Variants in CFAP70 observed in about 807,000 individuals in gnomAD.
CFAP70 encodes the protein cilia and flagella associated protein 70.
CFAP70 carries 81 observed loss-of-function variants against 137.6 expected under a neutral mutation model. The ratio of observed to expected loss-of-function variants is 0.59; its 90% CI spans 0.49 to 0.71. CFAP70 has a LOEUF of 0.71. CFAP70 is among the 30% of genes least tolerant of loss of function. The probability of loss-of-function intolerance (pLI) is 0.00; values close to 1 mark genes in which losing one functional copy is unlikely to be tolerated. For synonymous variants in CFAP70, 382 were observed against 423.6 expected, an observed-to-expected ratio of 0.90 and a Z score of 1.20; for missense variants, 976 against 1,226.7, an observed-to-expected ratio of 0.80 and a Z score of 3.05.
chr10:73,303,462 C>T (rs931925591), intron 12 of CFAP70, among the ~76,000 whole-genome samples: 2 of 152,162 alleles, frequency 1.3e-5, no homozygotes, highest in Admixed American at 6.5e-5. Flanking sequence ...TCGTGATCCA[C>T]CTGCCTTGGC....
At chr10:73,320,443 C>G (rs190540773) in intron 9 of CFAP70, among the ~76,000 whole-genome samples, 22 of 152,152 alleles carry the variant, frequency 1.4e-4, no homozygotes, top group African/African-American at 5.1e-4. Context: ...CCTACCTCAG[C>G]CTCTGGAGTA....
chr10:73,360,357 T>C (rs1036556920), upstream of CFAP70, among the ~76,000 whole-genome samples: 1 of 152,190 alleles, frequency 6.6e-6, no homozygotes, highest in Non-Finnish European at 1.5e-5. Flanking sequence ...CACACACATA[T>C]GCACATGCAT....
chr10:73,361,293 C>CT (rs577780984), upstream of CFAP70, among the ~76,000 whole-genome samples: 12,312 of 128,310 alleles, frequency 0.096, 892 homozygotes, highest in East Asian at 0.27. Context: ...CATGCCCGGC[C>CT]TTTTTTTTTT....
chr10:73,271,551 G>C (rs1290527114), intron 24 of CFAP70, among the ~76,000 whole-genome samples: 1 of 152,094 alleles, frequency 6.6e-6, no homozygotes, highest in Non-Finnish European at 1.5e-5. Context: ...TTACAAAGCA[G>C]TAAATATTTA....
At chr10:73,277,390 G>T in intron 20 of CFAP70, 29 bp from the exon 22 acceptor site, 1 of 1,609,748 alleles carries the variant, frequency 6.2e-7, no homozygotes, top group Admixed American at 1.7e-5. Context: ...AAGGATTGAA[G>T]ATTGGATATA....
intron 9 of CFAP70, among the ~76,000 whole-genome samples, chr10:73,314,886 T>C (rs1589448872): frequency 6.7e-6 from 1 of 149,888 alleles, no homozygotes. Flanking sequence ...ATTACAGGTG[T>C]GAGCCACCAC....
intron 8 of CFAP70, among the ~76,000 whole-genome samples, chr10:73,329,812 G>A (rs1192845979): frequency 2.0e-5 from 3 of 152,168 alleles, no homozygotes; most frequent in Non-Finnish European, 4.4e-5. Flanking sequence ...AATGGTGGAG[G>A]TGTTTTAGCA....
chr10:73,260,937 CAT>C (rs761806215), intron 25 of CFAP70, among the ~76,000 whole-genome samples: 6 of 152,106 alleles, frequency 3.9e-5, no homozygotes, highest in Non-Finnish European at 8.8e-5. Flanking sequence ...TTTGTGTGGA[CAT>C]ATGTCTTCAT....
chr10:73,351,233 C>T (rs1172085558), intron 3 of CFAP70, among the ~76,000 whole-genome samples: 1 of 149,284 alleles, frequency 6.7e-6, no homozygotes, highest in Non-Finnish European at 1.5e-5. Flanking sequence ...ATTCTCCTGC[C>T]TCAGCCTCCT....
At chr10:73,335,337 T>C in intron 7 of CFAP70, 93 bp downstream of exon 8, 3 of 750,674 alleles carry the variant, frequency 4.0e-6, no homozygotes, top group East Asian at 5.4e-5. Flanking sequence ...AAAATCACCT[T>C]AACTCAAATA....
chr10:73,287,654 A>T (rs2047837469), intron 19 of CFAP70, among the ~76,000 whole-genome samples: 2 of 152,180 alleles, frequency 1.3e-5, no homozygotes, highest in South Asian at 2.1e-4. Flanking sequence ...GCAAAGTATG[A>T]AAGAGGAAGG....
chr10:73,259,525 A>G (rs2044914855), intron 25 of CFAP70, among the ~76,000 whole-genome samples: 1 of 152,044 alleles, frequency 6.6e-6, no homozygotes, highest in African/African-American at 2.4e-5. Flanking sequence ...GTGCAGTGGC[A>G]CAATCACAGC....
At chr10:73,309,281 T>G (rs551647923) in intron 12 of CFAP70, among the ~76,000 whole-genome samples, 10 of 152,230 alleles carry the variant, frequency 6.6e-5, no homozygotes, top group Non-Finnish European at 1.3e-4. Flanking sequence ...AGTTTCCTAG[T>G]AGCACACAAG....
intron 6 of CFAP70, among the ~76,000 whole-genome samples, chr10:73,340,120 T>C (rs72812294): frequency 0.02 from 3,078 of 152,258 alleles, 49 homozygotes; most frequent in Non-Finnish European, 0.034. Flanking sequence ...AGGCAGGTTG[T>C]CCTGACAAGT....
chr10:73,278,474 C>G, intron 19 of CFAP70, 137 bp from the exon 21 acceptor site: 1 of 684,102 alleles, frequency 1.5e-6, no homozygotes, highest in Non-Finnish European at 2.3e-6. Flanking sequence ...GTTTGGTAGA[C>G]TTGTTTATAT....
At chr10:73,301,220 T>C (rs1253410368) in intron 12 of CFAP70, among the ~76,000 whole-genome samples, 1 of 152,120 alleles carries the variant, frequency 6.6e-6, no homozygotes, top group Non-Finnish European at 1.5e-5. Flanking sequence ...CCCATCCAAA[T>C]CTCATGTTGA....
At chr10:73,322,890 A>G in intron 9 of CFAP70, 73 bp downstream of exon 10, 1 of 1,337,750 alleles carries the variant, frequency 7.5e-7, no homozygotes, top group African/African-American at 1.5e-5. Context: ...AAAGATGTAT[A>G]TGCTAAAGAT....
chr10:73,305,645 C>A (rs2049313342), intron 12 of CFAP70, among the ~76,000 whole-genome samples: 1 of 152,214 alleles, frequency 6.6e-6, no homozygotes, highest in African/African-American at 2.4e-5. Flanking sequence ...TCAAGGAAAT[C>A]TGTCAAAACA....
At chr10:73,329,365 A>G (rs953539136) in intron 8 of CFAP70, among the ~76,000 whole-genome samples, 50 of 152,314 alleles carry the variant, frequency 3.3e-4, no homozygotes, top group African/African-American at 1.2e-3. Context: ...GGGGAGGGAT[A>G]GCATTAAGAG....
Sources: gnomAD v4.1 joint callset for allele counts (sites outside exome capture counted in the v4.1 genomes callset) on GRCh38, gnomAD v4.1.1 for gene constraint, MANE v1.5 for transcripts, NCBI Gene and HGNC (gene_info 2026-07-23, HGNC 2026-07-21) for gene names.